MTM1: variants seen among roughly 807,000 people sequenced by gnomAD.
MTM1 encodes myotubularin 1, also known as myotubularin.
MTM1 carries 9 observed loss-of-function variants against 52.1 expected under a neutral mutation model. The observed-to-expected ratio is 0.17, with a 90% CI of 0.10 to 0.30. MTM1 has a LOEUF of 0.30. Ranked by LOEUF, MTM1 falls within the 10% of genes least tolerant of loss-of-function variation. The pLI is 1.00. For synonymous variants in MTM1, 136 were observed against 163.8 expected (o/e 0.83, Z 1.29); for missense variants, 277 against 470.7 (o/e 0.59, Z 3.81).
At chrX:150,658,100 A>G in intron 11 of MTM1, 73 bp downstream of exon 11, 1 of 847,699 alleles carries the variant, frequency 1.2e-6, no homozygotes, top group Non-Finnish European at 1.7e-6. Context: ...GTTAAATTAC[A>G]TATTCAGTAT....
chrX:150,612,793 G>A (rs2039308605), intron 4 of MTM1, among the ~76,000 whole-genome samples: 2 of 111,391 alleles, frequency 1.8e-5, no homozygotes, highest in Non-Finnish European at 3.8e-5. Flanking sequence ...AGACCAGCCT[G>A]GCCAACATGG....
chrX:150,639,255 T>C (rs930017486), intron 7 of MTM1, among the ~76,000 whole-genome samples: 2 of 112,566 alleles, frequency 1.8e-5, no homozygotes, highest in Non-Finnish European at 3.8e-5. Context: ...ACTGGGTCAC[T>C]AAATCCTATT....
intron 4 of MTM1, among the ~76,000 whole-genome samples, chrX:150,609,782 G>C: frequency 9.0e-6 from 1 of 111,308 alleles, no homozygotes; most frequent in African/African-American, 3.3e-5. Flanking sequence ...TCTACTTCTA[G>C]ATCCTCATAG....
intron 4 of MTM1, among the ~76,000 whole-genome samples, chrX:150,608,077 G>C (rs2039202090): frequency 2.7e-5 from 3 of 111,249 alleles, no homozygotes; most frequent in Admixed American, 1.9e-4. Flanking sequence ...GAGGACCTGA[G>C]ACCAAAGGAA....
At chrX:150,617,807 T>C (rs1022647953) in intron 5 of MTM1, among the ~76,000 whole-genome samples, 8 of 111,731 alleles carry the variant, frequency 7.2e-5, no homozygotes, top group Non-Finnish European at 1.5e-4. Context: ...TCTGTACCGC[T>C]CCTGAAGTGG....
intron 11 of MTM1, among the ~76,000 whole-genome samples, chrX:150,659,446 A>G (rs964647854): frequency 5.4e-5 from 6 of 111,661 alleles, no homozygotes; most frequent in Non-Finnish European, 1.1e-4. Context: ...TTCTTTGGCA[A>G]TTTTTATTGG....
At chrX:150,653,870 C>A (rs1364421476) in intron 10 of MTM1, among the ~76,000 whole-genome samples, 2 of 112,175 alleles carry the variant, frequency 1.8e-5, no homozygotes, top group Non-Finnish European at 3.8e-5. Flanking sequence ...GCAGCTAGCC[C>A]TCATTGAGCC....
chrX:150,657,148 A>T (rs1165544162), intron 10 of MTM1, among the ~76,000 whole-genome samples: 1 of 110,417 alleles, frequency 9.1e-6, no homozygotes, highest in Non-Finnish European at 1.9e-5. Flanking sequence ...ATTATAAATC[A>T]TGCTGCTATA....
At chrX:150,575,641 T>G (rs890002113) in intron 1 of MTM1, among the ~76,000 whole-genome samples, 2 of 111,911 alleles carry the variant, frequency 1.8e-5, no homozygotes, top group Admixed American at 1.9e-4. Context: ...CCTGGCATCA[T>G]GCCTGGAGTT....
At position 150,654,266 on chromosome X, in the gene MTM1, T is replaced by C. The variant is rs904950729; in HGVS notation, c.1054-3555T>C. 3.8e-4 allele frequency among the ~76,000 whole-genome samples: 42 copies of C among 111,709 alleles called. 1 individual carries two copies. Among genetic ancestry groups the C allele is most frequent in the Non-Finnish European group, 1.3e-4 (7 of 53,149 alleles). On this transcript the variant is annotated intron_variant, in intron 10 of 14. Transcript: ENST00000370396. ...AAATAATTGGCTGAGATTGAGTCCT[T>C]TTTATATTATAAGTGAGGGAAGTAT...
chrX:150,633,876 CA>C (rs1174523548), intron 6 of MTM1, among the ~76,000 whole-genome samples: 4 of 110,399 alleles, frequency 3.6e-5, no homozygotes, highest in African/African-American at 6.6e-5. Context: ...TACTAAAATA[CA>C]AAAAAAAATT....
chrX:150,641,240 C>T, intron 7 of MTM1, 29 bp from the exon 8 acceptor site: 1 of 1,209,035 alleles, frequency 8.3e-7, no homozygotes, highest in Non-Finnish European at 1.1e-6. Context: ...TCAAGCAATA[C>T]TGACTTGAAT....
intron 6 of MTM1, 24 bp downstream of exon 6, chrX:150,619,163 C>T (rs782669814): frequency 1.6e-5 from 18 of 1,098,226 alleles, no homozygotes; most frequent in Admixed American, 4.4e-5. Flanking sequence ...CTCTCCTCAG[C>T]GTGGGAAGGT....
intron 10 of MTM1, among the ~76,000 whole-genome samples, chrX:150,653,895 G>A (rs2040069087): frequency 8.9e-6 from 1 of 112,066 alleles, no homozygotes; most frequent in Non-Finnish European, 1.9e-5. Flanking sequence ...CTCAATGTGA[G>A]CACTTTATGG....
At chrX:150,577,914 T>C (rs1372980403) in intron 1 of MTM1, among the ~76,000 whole-genome samples, 2 of 112,435 alleles carry the variant, frequency 1.8e-5, no homozygotes, top group African/African-American at 6.5e-5. Context: ...TGTTTAGATC[T>C]GTTTTGGCAG....
At chrX:150,663,702 A>C in intron 14 of MTM1, 93 bp downstream of exon 14, 1 of 821,158 alleles carries the variant, frequency 1.2e-6, no homozygotes, top group Non-Finnish European at 1.8e-6. Flanking sequence ...AGCATGAAGA[A>C]AAATATCAGA....
At chrX:150,572,841 C>T (rs996897122) in intron 1 of MTM1, among the ~76,000 whole-genome samples, 7 of 112,621 alleles carry the variant, frequency 6.2e-5, no homozygotes, top group African/African-American at 9.7e-5. Flanking sequence ...ATAGGGCAGG[C>T]GCCTGAGCGG....
At chrX:150,634,289 T>G (rs1178590182) in intron 6 of MTM1, among the ~76,000 whole-genome samples, 2 of 112,513 alleles carry the variant, frequency 1.8e-5, no homozygotes, top group African/African-American at 3.2e-5. Context: ...AGAATTAACA[T>G]TTATAGATTC....
At chrX:150,624,776 G>A (rs1569565461) in intron 6 of MTM1, among the ~76,000 whole-genome samples, 1 of 112,115 alleles carries the variant, frequency 8.9e-6, no homozygotes, top group South Asian at 3.7e-4. Flanking sequence ...ATTGCTTACC[G>A]TTAATCGTGG....
Sources: gnomAD v4.1 joint callset for allele counts (sites outside exome capture counted in the v4.1 genomes callset) on GRCh38, gnomAD v4.1.1 for gene constraint, MANE v1.5 for transcripts, NCBI Gene and HGNC (gene_info 2026-07-23, HGNC 2026-07-21) for gene names.